SLCO6A1: variants seen among roughly 807,000 people sequenced by gnomAD.
SLCO6A1 encodes the protein solute carrier organic anion transporter family member 6A1.
In SLCO6A1, 65 loss-of-function variants were observed where a neutral mutation model predicts 72.7. The ratio of observed to expected loss-of-function variants is 0.89; its 90% CI spans 0.73 to 1.10. The LOEUF is 1.10. Ranked by LOEUF, SLCO6A1 falls within the 50% of genes least tolerant of loss-of-function variation. SLCO6A1 has a pLI of 0.00. For missense variants in SLCO6A1, 874 were observed against 872.6 expected (o/e 1.00, Z -0.02); for synonymous variants, 314 against 298.2 (o/e 1.05, Z -0.55).
chr5:102,374,708 G>A (rs2112464269), intron 12 of SLCO6A1, among the ~76,000 whole-genome samples: 1 of 152,210 alleles, frequency 6.6e-6, no homozygotes, highest in East Asian at 1.9e-4. Context: ...AGTTATATCT[G>A]ACATAGTTGT....
At chr5:102,446,049 T>C (rs1750092187) in intron 6 of SLCO6A1, among the ~76,000 whole-genome samples, 1 of 152,198 alleles carries the variant, frequency 6.6e-6, no homozygotes. Context: ...TTGAGGGTTT[T>C]TGTTGTTGAT....
chr5:102,442,672 T>C (rs932234875), intron 6 of SLCO6A1, among the ~76,000 whole-genome samples: 3 of 152,230 alleles, frequency 2.0e-5, no homozygotes, highest in Admixed American at 2.0e-4. Flanking sequence ...GAACAGACGC[T>C]GTTAATTCCA....
chr5:102,449,890 C>T (rs558899368), intron 6 of SLCO6A1, among the ~76,000 whole-genome samples: 1 of 152,066 alleles, frequency 6.6e-6, no homozygotes, highest in Non-Finnish European at 1.5e-5. Context: ...TAATTCAAAC[C>T]ACTGGTCTTC....
chr5:102,413,264 C>T, intron 8 of SLCO6A1, 121 bp from the exon 9 acceptor site: 1 of 976,284 alleles, frequency 1.0e-6, no homozygotes, highest in Non-Finnish European at 1.5e-6. Flanking sequence ...TTTTTAACAG[C>T]TTTACTGAGG....
At chr5:102,487,513 G>A (rs887513374) in intron 1 of SLCO6A1, among the ~76,000 whole-genome samples, 10 of 151,950 alleles carry the variant, frequency 6.6e-5, no homozygotes, top group African/African-American at 1.9e-4. Context: ...TTTACTCTTC[G>A]GCCACTGTTT....
At chr5:102,472,683 A>C (rs1751688594) in intron 4 of SLCO6A1, among the ~76,000 whole-genome samples, 2 of 152,100 alleles carry the variant, frequency 1.3e-5, no homozygotes, top group Admixed American at 6.6e-5. Context: ...AAATAAACAA[A>C]ACAAAGAGAT....
chr5:102,480,473 A>C lies in SLCO6A1; in HGVS notation c.359-39T>G, dbSNP rs1484537143. On this transcript the variant is annotated intron_variant, in intron 1 of 13. Coordinates refer to ENST00000506729, the MANE Select transcript of SLCO6A1 (RefSeq NM_173488.5). ...AGAAAAAGAGAAAACAACGATATGC[A>C]TTTTAAGAGGTCATTATGATTATTA... 4 of 1,567,354 alleles carry C rather than the reference A, an allele frequency of 2.6e-6. No homozygotes were observed. The East Asian group carries it at 6.7e-5, about 26-fold the overall frequency.
intron 4 of SLCO6A1, among the ~76,000 whole-genome samples, chr5:102,474,657 C>T (rs976969942): frequency 6.6e-6 from 1 of 151,994 alleles, no homozygotes; most frequent in African/African-American, 2.4e-5. Context: ...TGGGAGAAAA[C>T]ATTTGCAAAC....
chr5:102,379,234 A>G (rs977075726), intron 12 of SLCO6A1, among the ~76,000 whole-genome samples: 2 of 152,048 alleles, frequency 1.3e-5, no homozygotes, highest in Admixed American at 1.3e-4. Flanking sequence ...GGTTCACTGT[A>G]TTCCACATTG....
At chr5:102,456,465 G>A (rs113702529) in intron 6 of SLCO6A1, among the ~76,000 whole-genome samples, 1 of 151,874 alleles carries the variant, frequency 6.6e-6, no homozygotes, top group Non-Finnish European at 1.5e-5. Flanking sequence ...ACCAGTAACA[G>A]ACAAACAGCC....
chr5:102,375,320 A>G (rs1417810161), intron 12 of SLCO6A1, among the ~76,000 whole-genome samples: 1 of 152,172 alleles, frequency 6.6e-6, no homozygotes, highest in Non-Finnish European at 1.5e-5. Flanking sequence ...CGAAAATTTG[A>G]AGCCAGTAGG....
At chr5:102,430,212 A>G (rs1749138584) in intron 7 of SLCO6A1, among the ~76,000 whole-genome samples, 1 of 152,072 alleles carries the variant, frequency 6.6e-6, no homozygotes, top group Non-Finnish European at 1.5e-5. Flanking sequence ...GGCCAAGACT[A>G]TGGGGTTTTC....
chr5:102,412,856 A>C lies in SLCO6A1; in HGVS notation c.1626+134T>G, dbSNP rs1748063860. 3.6e-5 allele frequency: 12 copies of C among 329,370 alleles called. No individual in the cohort carries two copies. In the South Asian group the frequency reaches 1.7e-3, roughly 47 times the overall value. 20.4% of individuals were successfully genotyped at this position (329,370 alleles called of 1,614,324 possible). Reference sequence around the variant, plus strand: ...ATAAGAAAAAATAGGTTTTATACAGAGTTGGAAGAAAAATGTTAATAGCAT... The same window carrying C: ...ATAAGAAAAAATAGGTTTTATACAGCGTTGGAAGAAAAATGTTAATAGCAT... On this transcript the variant is annotated intron_variant, in intron 9 of 13. Transcript: ENST00000506729.
chr5:102,462,618 C>T (rs750040971), intron 4 of SLCO6A1, among the ~76,000 whole-genome samples: 3 of 152,098 alleles, frequency 2.0e-5, no homozygotes, highest in Non-Finnish European at 4.4e-5. Context: ...ACAAAGCAAA[C>T]AAAAATTTTA....
chr5:102,408,976 C>T (rs897937966), intron 9 of SLCO6A1, among the ~76,000 whole-genome samples: 4 of 152,056 alleles, frequency 2.6e-5, no homozygotes, highest in African/African-American at 9.7e-5. Flanking sequence ...TGTTGAACCT[C>T]TGGAAGAATA....
chr5:102,440,101 C>A (rs767616123), intron 6 of SLCO6A1, among the ~76,000 whole-genome samples: 1 of 152,074 alleles, frequency 6.6e-6, no homozygotes, highest in African/African-American at 2.4e-5. Context: ...TGTAAAAAAG[C>A]CCAAGAGAGA....
intron 9 of SLCO6A1, 139 bp from the exon 10 acceptor site, chr5:102,399,881 C>A: frequency 1.8e-6 from 1 of 544,704 alleles, no homozygotes; most frequent in Non-Finnish European, 3.0e-6. Context: ...ATTAAGCCTG[C>A]TATGTATTAT....
intron 7 of SLCO6A1, among the ~76,000 whole-genome samples, chr5:102,422,488 C>T: frequency 6.6e-6 from 1 of 152,030 alleles, no homozygotes; most frequent in East Asian, 1.9e-4. Flanking sequence ...ACACAAGGAA[C>T]AATAGCTGAA....
chr5:102,438,865 C>A, intron 6 of SLCO6A1, 104 bp from the exon 7 acceptor site: 1 of 714,646 alleles, frequency 1.4e-6, no homozygotes, highest in Non-Finnish European at 2.1e-6. Context: ...TTACCATTCC[C>A]AATCTAAACT....
Sources: allele counts gnomAD v4.1 joint callset (sites outside exome capture counted in the v4.1 genomes callset), GRCh38; gene constraint gnomAD v4.1.1; transcripts MANE v1.5; gene names NCBI Gene and HGNC (gene_info 2026-07-23, HGNC 2026-07-21).